The following RABGEF1 variants were observed in gnomAD, a reference collection of about 807,000 sequenced individuals.
RABGEF1 encodes the protein rab5 GDP/GTP exchange factor.
Under a neutral mutation model 57.3 loss-of-function variants are expected in RABGEF1, and 26 were observed. The observed-to-expected ratio is 0.45, with a 90% CI of 0.33 to 0.63. The LOEUF (loss-of-function observed/expected upper bound fraction) is 0.63, where lower values mean the gene tolerates loss of function less well. Ranked by LOEUF, RABGEF1 falls within the 20% of genes least tolerant of loss-of-function variation. The probability of loss-of-function intolerance (pLI) is 0.02; values close to 1 mark genes in which losing one functional copy is unlikely to be tolerated. For missense variants in RABGEF1, 464 were observed against 607.6 expected (o/e 0.76, Z 2.48); for synonymous variants, 185 against 210.7 (o/e 0.88, Z 1.06).
chr7:66,761,090 C>T (rs1231938186), intron 1 of RABGEF1, among the ~76,000 whole-genome samples: 2 of 152,126 alleles, frequency 1.3e-5, no homozygotes, highest in Non-Finnish European at 2.9e-5. Flanking sequence ...GGAACAAAAC[C>T]CCTCAAACTG....
chr7:66,783,563 A>G (rs2129141745), intron 3 of RABGEF1, 112 bp from the exon 4 acceptor site: 2 of 984,830 alleles, frequency 2.0e-6, no homozygotes, highest in South Asian at 3.1e-5. Context: ...TTTAAATTCA[A>G]GTTTAACTTT....
chr7:66,724,347 A>T (rs2117556567), intron 2 of RABGEF1, among the ~76,000 whole-genome samples: 1 of 151,476 alleles, frequency 6.6e-6, no homozygotes, highest in East Asian at 1.9e-4. Flanking sequence ...TTTTCTTTGA[A>T]TCAGTATTTA....
chr7:66,766,938 G>T lies in RABGEF1; in HGVS notation c.-17-4945G>T, dbSNP rs1307426865. Among the ~76,000 whole-genome samples the T allele has an allele frequency of 6.0e-5, 9 of 149,748 alleles. No homozygotes were observed. The South Asian group carries it at 1.9e-3, about 32-fold the overall frequency. ...TCTAATTGTAGTTGTCTCTTGGTCA[G>T]TATCTGTGTCTTCTGTTCTGTACTT... On this transcript the variant is annotated intron_variant, in intron 1 of 8. Coordinates refer to ENST00000284957, the MANE Select transcript of RABGEF1 (RefSeq NM_014504.3).
chr7:66,800,374 C>G (rs1158185528), intron 7 of RABGEF1, among the ~76,000 whole-genome samples: 1 of 152,220 alleles, frequency 6.6e-6, no homozygotes, highest in African/African-American at 2.4e-5. Flanking sequence ...TCCAGGCATT[C>G]TCTGCTGATG....
intron 1 of RABGEF1, among the ~76,000 whole-genome samples, chr7:66,759,513 TAAAG>T (rs2129079721): frequency 6.6e-6 from 1 of 152,320 alleles, no homozygotes; most frequent in South Asian, 2.1e-4. Flanking sequence ...CACGTAGTTA[TAAAG>T]AAATACCTGA....
intron 1 of RABGEF1, chr7:66,749,069 G>T: frequency 6.4e-6 from 1 of 155,566 alleles, no homozygotes. Context: ...CCCAGTGTAT[G>T]TCTGACAGGG....
the RABGEF1 span, among the ~76,000 whole-genome samples, chr7:66,656,603 T>C: frequency 6.6e-6 from 1 of 152,018 alleles, no homozygotes; most frequent in South Asian, 2.1e-4. Flanking sequence ...GGTCGGATCA[T>C]GTGGTCAGGA....
At chr7:66,663,361 GTGC>G in the RABGEF1 span, among the ~76,000 whole-genome samples, 1 of 152,080 alleles carries the variant, frequency 6.6e-6, no homozygotes, top group Admixed American at 6.6e-5. Context: ...AATTCCTATA[GTGC>G]CGCTGGGTTA....
intron 3 of RABGEF1, among the ~76,000 whole-genome samples, chr7:66,782,155 A>G (rs1242112723): frequency 6.6e-6 from 1 of 152,230 alleles, no homozygotes; most frequent in Non-Finnish European, 1.5e-5. Context: ...CATTGAGATA[A>G]AAAATATTTT....
upstream of RABGEF1, among the ~76,000 whole-genome samples, chr7:66,737,125 T>C (rs1798083439): frequency 7.0e-6 from 1 of 142,738 alleles, no homozygotes; most frequent in African/African-American, 2.5e-5. Context: ...AGAGAGAATC[T>C]TGCTGTGTTG....
intron 1 of RABGEF1, among the ~76,000 whole-genome samples, chr7:66,767,968 G>A (rs62466857): frequency 0.039 from 6,013 of 152,234 alleles, 167 homozygotes; most frequent in East Asian, 0.085. Context: ...GTTTTCCTGA[G>A]TAGCATTCTG....
At chr7:66,677,408 A>C (rs1789349055), upstream of RABGEF1, among the ~76,000 whole-genome samples, 1 of 152,126 alleles carries the variant, frequency 6.6e-6, no homozygotes. Context: ...CCCTATCTCT[A>C]TAAAAAATAA....
chr7:66,768,988 G>A (rs1806419573), intron 1 of RABGEF1: 1 of 152,154 alleles, frequency 6.6e-6, no homozygotes, highest in Non-Finnish European at 1.5e-5. Flanking sequence ...CAAAGCACAC[G>A]ATTGCTGGGC....
intron 8 of RABGEF1, among the ~76,000 whole-genome samples, chr7:66,805,671 T>C (rs1267183280): frequency 1.3e-5 from 2 of 152,204 alleles, no homozygotes; most frequent in Non-Finnish European, 2.9e-5. Flanking sequence ...GTCCTTCACT[T>C]GGCAGGGCTT....
intron 1 of RABGEF1, among the ~76,000 whole-genome samples, chr7:66,741,152 A>G (rs1458872194): frequency 6.6e-6 from 1 of 152,060 alleles, no homozygotes; most frequent in African/African-American, 2.4e-5. Flanking sequence ...CCTTCCGTCC[A>G]GGCCGCTGGC....
At chr7:66,754,128 C>A (rs965467019) in intron 1 of RABGEF1, among the ~76,000 whole-genome samples, 2 of 146,680 alleles carry the variant, frequency 1.4e-5, no homozygotes, top group East Asian at 4.2e-4. Context: ...TCACCTCCCG[C>A]GTAGCTGGGA....
intron 2 of RABGEF1, among the ~76,000 whole-genome samples, chr7:66,722,295 C>T (rs1796139225): frequency 6.6e-6 from 1 of 152,152 alleles, no homozygotes; most frequent in Admixed American, 6.5e-5. Flanking sequence ...CAAAAATTAG[C>T]CAGGCGTGGT....
chr7:66,716,304 A>G (rs1474818599), intron 2 of RABGEF1, among the ~76,000 whole-genome samples: 1 of 152,142 alleles, frequency 6.6e-6, no homozygotes, highest in Non-Finnish European at 1.5e-5. Context: ...TACCTATATT[A>G]AAATATATAG....
At chr7:66,785,771 G>A (rs2129145790) in intron 4 of RABGEF1, among the ~76,000 whole-genome samples, 1 of 152,270 alleles carries the variant, frequency 6.6e-6, no homozygotes, top group South Asian at 2.1e-4. Context: ...CTACTTGGGA[G>A]GCTGAGGCAG....
Sources: gnomAD v4.1 joint callset for allele counts (sites outside exome capture counted in the v4.1 genomes callset) on GRCh38, gnomAD v4.1.1 for gene constraint, MANE v1.5 for transcripts, NCBI Gene and HGNC (gene_info 2026-07-23, HGNC 2026-07-21) for gene names.